SLC7A5: variants seen among roughly 807,000 people sequenced by gnomAD.
SLC7A5 encodes the protein solute carrier family 7 member 5, also known as large neutral amino acids transporter small subunit 1.
SLC7A5 carries 23 observed loss-of-function variants against 50.2 expected under a neutral mutation model. The observed-to-expected ratio is 0.46, with a 90% CI of 0.33 to 0.65. SLC7A5 has a LOEUF of 0.65. Among genes scored for constraint, SLC7A5 ranks in the 30% least tolerant of loss-of-function variants. The pLI is 0.02. For synonymous variants in SLC7A5, 393 were observed against 330.6 expected, an observed-to-expected ratio of 1.19 and a Z score of -2.05; for missense variants, 578 against 684.4, an observed-to-expected ratio of 0.84 and a Z score of 1.73.
chr16:87,845,656 C>T (rs750798610), intron 2 of SLC7A5, among the ~76,000 whole-genome samples: 3 of 152,168 alleles, frequency 2.0e-5, no homozygotes, highest in Non-Finnish European at 4.4e-5. Context: ...GGGGTTCTGG[C>T]GGCAACCAGA....
chr16:87,866,259 A>G (rs552531129), intron 1 of SLC7A5, among the ~76,000 whole-genome samples: 2 of 152,324 alleles, frequency 1.3e-5, no homozygotes, highest in African/African-American at 4.8e-5. Flanking sequence ...GATCTTTTAA[A>G]TAAATAGGCC....
At position 87,854,146 on chromosome 16, in the gene SLC7A5, G is replaced by A. The variant is rs775027190; in HGVS notation, c.539-2297C>T. ...GCCGCTCCCCAACCAAAAACAGTCTGGAGGGGCTGACGGGTGCCACCGGGA... is the reference window on the plus strand; with the variant it reads ...GCCGCTCCCCAACCAAAAACAGTCTAGAGGGGCTGACGGGTGCCACCGGGA... On this transcript the variant is annotated intron_variant, in intron 1 of 9. Transcript: ENST00000261622. 1.2e-4 allele frequency among the ~76,000 whole-genome samples: 17 copies of A among 139,740 alleles called. 1 individual carries two copies. The East Asian group carries it at 2.1e-3, about 18-fold the overall frequency. 91.7% of individuals were successfully genotyped at this position (139,740 alleles called of 152,430 possible).
chr16:87,861,085 G>A lies in SLC7A5; in HGVS notation c.538+7800C>T, dbSNP rs113846654. Among the ~76,000 whole-genome samples, 3,875 of 152,306 alleles carry A rather than the reference G, an allele frequency of 0.025. 166 individuals are homozygous for A. Among genetic ancestry groups the A allele is most frequent in the African/African-American group, 0.088 (3,638 of 41,558 alleles). ...GCCACAGGGCCTCTGGGGAGCGTGC[G>A]GGCACACAGTACCAATCTGCATGCA... On this transcript the variant is annotated intron_variant, in intron 1 of 9. Transcript: ENST00000261622. The surrounding 1 kb of genome is among the most constrained non-coding windows in gnomAD (Gnocchi z 4.2).
At chr16:87,850,844 G>A (rs943676333) in intron 2 of SLC7A5, among the ~76,000 whole-genome samples, 1 of 152,230 alleles carries the variant, frequency 6.6e-6, no homozygotes, top group African/African-American at 2.4e-5. Context: ...TGGAAAGGGT[G>A]GAGGCTCTGC....
At chr16:87,836,272 C>G (rs2055001972) in intron 8 of SLC7A5, among the ~76,000 whole-genome samples, 1 of 152,284 alleles carries the variant, frequency 6.6e-6, no homozygotes, top group South Asian at 2.1e-4. Context: ...AGCACAAGCT[C>G]TGTGCCATCT....
In SLC7A5 at chr16:87,862,118, G is replaced by C. The variant is rs1200082230; in HGVS notation, c.538+6767C>G. On this transcript the variant is annotated intron_variant, in intron 1 of 9. Coordinates refer to ENST00000261622, the MANE Select transcript of SLC7A5 (RefSeq NM_003486.7). The surrounding 1 kb of genome is among the most constrained non-coding windows in gnomAD (Gnocchi z 5.3). ...TTTACACAGGCCTGGACTGAGAAGT[G>C]GGGCTACAGGCTACAGGTGCTTGAT... 6.6e-6 allele frequency among the ~76,000 whole-genome samples: 1 copy of C among 152,140 alleles called. No homozygotes were observed. The highest frequency in any genetic ancestry group is 6.5e-5 in the Admixed American group (1 of 15,284).
intron 2 of SLC7A5, among the ~76,000 whole-genome samples, chr16:87,849,691 G>C (rs1277970834): frequency 6.6e-6 from 1 of 152,156 alleles, no homozygotes; most frequent in Non-Finnish European, 1.5e-5. Context: ...GTGCCCGGGA[G>C]CCATGGAATG....
intron 5 of SLC7A5, 30 bp downstream of exon 5, chr16:87,839,672 C>T: frequency 1.9e-6 from 3 of 1,612,480 alleles, no homozygotes; most frequent in Non-Finnish European, 2.5e-6. Flanking sequence ...CTCTCAGGCC[C>T]CTGGTGGAAG....
chr16:87,865,212 C>T (rs2055445105), intron 1 of SLC7A5, among the ~76,000 whole-genome samples: 1 of 151,834 alleles, frequency 6.6e-6, no homozygotes, highest in African/African-American at 2.4e-5. Context: ...AAAAAAGCAA[C>T]ACATACACAC....
rs1455866235 is a variant in SLC7A5, at chr16:87,831,562, C to T, written c.*1408G>A. On this transcript the variant is annotated 3_prime_UTR_variant, in exon 10 of 10. Transcript: ENST00000261622. ...GCCAGCTCCTCCAGCCACAGCTGAG[C>T]ACTGGAGTGACGCTGGACCACTTGG... is the stretch of plus-strand genomic sequence containing the variant. 1 of 152,290 alleles carries T rather than the reference C, an allele frequency of 6.6e-6. No individual in the cohort carries two copies. Among genetic ancestry groups the T allele is most frequent in the East Asian group, 1.9e-4 (1 of 5,178 alleles). The allele number at this position is 152,290 out of a possible 1,614,324, so 9.4% of individuals were successfully genotyped here.
Position 87,841,697 on chromosome 16 carries a change from G to C in SLC7A5, c.665-542C>G, listed in dbSNP as rs943749145. On this transcript the variant is annotated intron_variant, in intron 2 of 9. Transcript: ENST00000261622. The surrounding 1 kb of genome is among the most constrained non-coding windows in gnomAD (Gnocchi z 4.8). ...TTGTCCTGGACCGTGCTGAGTGTGTGGCCAGCTGCAGCCGGGGCAGGGGCA... is the reference window on the plus strand; with the variant it reads ...TTGTCCTGGACCGTGCTGAGTGTGTCGCCAGCTGCAGCCGGGGCAGGGGCA... Among the ~76,000 whole-genome samples, 1 of 152,218 alleles carries C rather than the reference G, an allele frequency of 6.6e-6. No homozygotes were observed. The highest frequency in any genetic ancestry group is 2.4e-5 in the African/African-American group (1 of 41,458).
At chr16:87,867,994 G>T (rs2055484531) in intron 1 of SLC7A5, among the ~76,000 whole-genome samples, 2 of 151,540 alleles carry the variant, frequency 1.3e-5, no homozygotes, top group African/African-American at 4.8e-5. Context: ...GCGGGCACCT[G>T]TAGTCCCAGC....
chr16:87,847,183 G>C (rs1035925871), intron 2 of SLC7A5, among the ~76,000 whole-genome samples: 1 of 152,178 alleles, frequency 6.6e-6, no homozygotes, highest in African/African-American at 2.4e-5. Flanking sequence ...CAGCCCAGGG[G>C]GGCTTCTCAG....
At chr16:87,854,179 C>T (rs2055282933) in intron 1 of SLC7A5, among the ~76,000 whole-genome samples, 2 of 151,062 alleles carry the variant, frequency 1.3e-5, no homozygotes, top group Admixed American at 1.3e-4. Flanking sequence ...GGAGGGTTCA[C>T]CAGATCATCT....
chr16:87,855,984 G>T (rs1163105404), intron 1 of SLC7A5, among the ~76,000 whole-genome samples: 1 of 152,178 alleles, frequency 6.6e-6, no homozygotes, highest in Non-Finnish European at 1.5e-5. Context: ...CCCGAGCCAG[G>T]CACAGCAGTG....
intron 7 of SLC7A5, 69 bp downstream of exon 7, chr16:87,837,776 C>A: frequency 7.7e-7 from 1 of 1,293,150 alleles, no homozygotes; most frequent in Non-Finnish European, 1.1e-6. Context: ...CAAGCTGTGG[C>A]AGCCTCCCTC....
chr16:87,867,855 C>T (rs868493945), intron 1 of SLC7A5, among the ~76,000 whole-genome samples: 1 of 152,288 alleles, frequency 6.6e-6, no homozygotes, highest in Middle Eastern at 3.4e-3. Context: ...GTGGCTCACG[C>T]CTGTAATCCC....
chr16:87,834,595 G>C lies in SLC7A5; in HGVS notation c.1291-4C>G. On this transcript the variant is annotated splice_region_variant and splice_polypyrimidine_tract_variant and intron_variant, in intron 8 of 9. Coordinates refer to ENST00000261622, the MANE Select transcript of SLC7A5 (RefSeq NM_003486.7). ...ACACAGGCAGGGCCAGGTTCACCTG[G>C]GGCAGAGGACAGGGCCTGGGTGAGC... 2.5e-6 allele frequency: 4 copies of C among 1,582,578 alleles called. No homozygotes were observed. Among genetic ancestry groups the C allele is most frequent in the Non-Finnish European group, 3.4e-6 (4 of 1,165,968 alleles).
chr16:87,864,008 T>TATATATATATATATATATATATAG (rs1555516643), intron 1 of SLC7A5, among the ~76,000 whole-genome samples: 1 of 141,554 alleles, frequency 7.1e-6, no homozygotes, highest in Non-Finnish European at 1.5e-5. Flanking sequence ...TATATATATA[T>TATATATATATATATATATATATAG]CAGCCGAGTA....
Sources: gnomAD v4.1 joint callset for allele counts (sites outside exome capture counted in the v4.1 genomes callset) on GRCh38, gnomAD v4.1.1 for gene constraint, Gnocchi (gnomAD v3.1) non-coding constraint, MANE v1.5 for transcripts, NCBI Gene and HGNC (gene_info 2026-07-23, HGNC 2026-07-21) for gene names.